Variants in DKKL1 observed in about 807,000 individuals in gnomAD.
The protein encoded by DKKL1 is dickkopf like acrosomal protein 1, also known as dickkopf-like protein 1.
In DKKL1, 11 loss-of-function variants were observed where a neutral mutation model predicts 16.5. The observed-to-expected ratio is 0.67, with a 90% CI of 0.42 to 1.10. The LOEUF is 1.10. DKKL1 is among the 50% of genes least tolerant of loss of function. The pLI is 0.00. For synonymous variants in DKKL1, 119 were observed against 133.2 expected (o/e 0.89, Z 0.73); for missense variants, 320 against 308.1 (o/e 1.04, Z -0.29).
chr19:49,371,048 G>A (rs1482691687), intron 4 of DKKL1: 1 of 152,110 alleles, frequency 6.6e-6, no homozygotes, highest in Non-Finnish European at 1.5e-5. Context: ...CAAGCTTCTG[G>A]AGCAGATATG....
chr19:49,361,207 G>GACAGAGACCCAGAGAGAGAGGGGA (rs77022029), upstream of DKKL1, among the ~76,000 whole-genome samples: 48,423 of 99,674 alleles, frequency 0.49, 13,423 homozygotes, highest in African/African-American at 0.59. Flanking sequence ...CAGAGAGGGA[G>GACAGAGACCCAGAGAGAGAGGGGA]ACAGAGACCC....
At chr19:49,366,712 GGTT>G in intron 4 of DKKL1, among the ~76,000 whole-genome samples, 1 of 96,258 alleles carries the variant, frequency 1.0e-5, no homozygotes, top group South Asian at 3.7e-4. Context: ...TTGTTTTTTT[GGTT>G]TTTTTTTTTG....
Position 49,365,532 on chromosome 19 carries a change from C to A in DKKL1, c.207C>A (p.Asp69Glu). 1 of 1,611,758 alleles carries A rather than the reference C, an allele frequency of 6.2e-7. No individual in the cohort carries two copies. The highest frequency in any genetic ancestry group is 8.5e-7 in the Non-Finnish European group (1 of 1,178,842). The change falls in exon 3 of 5, where the codon GAC (aspartate) becomes GAA (glutamate). Residue 69 changes from aspartate (D) to glutamate (E), a missense_variant. Physicochemically the swap from Asp to Glu is conservative, Grantham distance 45 (BLOSUM62 2). Coordinates refer to ENST00000221498, the MANE Select transcript of DKKL1 (RefSeq NM_014419.4). Reference protein sequence around the residue: ...FLKGNLLRGIDSLFSAPMDFR... With the variant: ...FLKGNLLRGIESLFSAPMDFR... ...AGGGTAACCTGCTTCGGGGCATAGACAGCTTATTCTCTGCCCCCATGGACT... is the reference window on the plus strand; with the variant it reads ...AGGGTAACCTGCTTCGGGGCATAGAAAGCTTATTCTCTGCCCCCATGGACT...
Position 49,364,598 on chromosome 19 carries a change from C to G in DKKL1, c.27C>G (p.Pro9=), listed in dbSNP as rs1052296313. The G allele has an allele frequency of 3.1e-6, 5 of 1,611,590 alleles. No homozygotes were observed. The highest frequency in any genetic ancestry group is 8.5e-7 in the Non-Finnish European group (1 of 1,179,488). The change falls in exon 2 of 5, where the codon CCC becomes CCG. Residue 9 remains proline (P), a synonymous_variant. Transcript: ENST00000221498. The part of the protein sequence containing the change: MGEASPPA[P]ARRHLLVLLL... ...TTGCCACAGCCTCCCCACCTGCCCC[C>G]GCAAGGCGGCATCTGCTGGTCCTGC...
Position 49,363,903 on chromosome 19 carries a change from T to A in DKKL1, c.-96T>A. 6.5e-7 allele frequency: 1 copy of A among 1,541,522 alleles called. No individual in the cohort carries two copies. Among genetic ancestry groups the A allele is most frequent in the African/African-American group, 1.4e-5 (1 of 73,320 alleles). On this transcript the variant is annotated 5_prime_UTR_variant, in exon 1 of 5. In the 5' UTR this introduces an upstream ATG that the reference lacks. Coordinates refer to ENST00000221498, the MANE Select transcript of DKKL1 (RefSeq NM_014419.4). ...GACCTGGGCTCGAGACCATAACTGT[T>A]TGGCTTTAACAGTACGTGGGCGGCC...
upstream of DKKL1, chr19:49,363,697 A>G (rs1171478416): frequency 6.5e-6 from 3 of 460,962 alleles, no homozygotes; most frequent in Non-Finnish European, 1.2e-5. Context: ...TGGCCAGGGA[A>G]TGAACTCACG....
chr19:49,374,734 G>A lies in DKKL1; in HGVS notation c.435G>A (p.Glu145=). 6.5e-7 allele frequency: 1 copy of A among 1,534,718 alleles called. No homozygotes were observed. Residue 145 remains glutamate (E), a synonymous_variant, in exon 5 of 5, where the codon GAG becomes GAA. Transcript: ENST00000221498. ...CTCCCCAGGTACCCAGGATGGAGGAGAAGGAGGCCCTGGTACCCATCCAGA... is the reference window on the plus strand; with the variant it reads ...CTCCCCAGGTACCCAGGATGGAGGAAAAGGAGGCCCTGGTACCCATCCAGA... ...EGDLKVPRME[E]KEALVPIQKA... is the part of the protein sequence containing the mutation.
chr19:49,367,069 C>T (rs1278595047), intron 4 of DKKL1, among the ~76,000 whole-genome samples: 8 of 151,130 alleles, frequency 5.3e-5, no homozygotes, highest in Non-Finnish European at 1.5e-5. Flanking sequence ...CTCTGTTGCC[C>T]AGGCTAGAGT....
intron 1 of DKKL1, 139 bp from the exon 2 acceptor site, chr19:49,364,443 G>C: frequency 2.9e-6 from 2 of 681,248 alleles, no homozygotes; most frequent in Non-Finnish European, 4.8e-6. Flanking sequence ...GGGAGTAGAA[G>C]AAAGAAGCAG....
At chr19:49,374,683 A>C (rs370234788) in intron 4 of DKKL1, 34 bp from the exon 5 acceptor site, 2 of 1,508,974 alleles carry the variant, frequency 1.3e-6, no homozygotes, top group Non-Finnish European at 1.8e-6. Context: ...TGCTGTTTGG[A>C]GTATGAGAGG....
In DKKL1 at chr19:49,363,969, A is replaced by C; in HGVS notation, c.-30A>C. ...GGTGACCCGGGCTGTGGTCTAGCAT[A>C]AAGGCGGAGCCCAGAAGAAGGGGCG... is the stretch of plus-strand genomic sequence containing the variant. On this transcript the variant is annotated 5_prime_UTR_variant, in exon 1 of 5. Transcript: ENST00000221498. 6.2e-7 allele frequency: 1 copy of C among 1,612,716 alleles called. No individual in the cohort carries two copies. Among genetic ancestry groups the C allele is most frequent in the Non-Finnish European group, 8.5e-7 (1 of 1,179,410 alleles).
intron 1 of DKKL1, 127 bp from the exon 2 acceptor site, chr19:49,364,455 G>T: frequency 1.4e-6 from 1 of 723,282 alleles, no homozygotes. Context: ...AAGAAGCAGT[G>T]GGGGAAATGA....
chr19:49,372,693 C>CA (rs1228752175), intron 4 of DKKL1, among the ~76,000 whole-genome samples: 28,656 of 115,694 alleles, frequency 0.25, 3,242 homozygotes, highest in Non-Finnish European at 0.28. Flanking sequence ...GACTCCGTCT[C>CA]AAAAAAAAAA....
intron 4 of DKKL1, chr19:49,369,831 G>T: frequency 6.5e-6 from 1 of 152,864 alleles, no homozygotes; most frequent in South Asian, 2.0e-4. Context: ...TGGAGTAGAA[G>T]GGTGCTCGTG....
chr19:49,367,933 T>C (rs935449137), intron 4 of DKKL1, among the ~76,000 whole-genome samples: 3 of 152,114 alleles, frequency 2.0e-5, no homozygotes, highest in Non-Finnish European at 4.4e-5. Flanking sequence ...CCTAGCAATT[T>C]GGGAGGCTGA....
At chr19:49,364,074 G>A (rs985770353) in intron 1 of DKKL1, 66 bp downstream of exon 1, 2 of 1,597,872 alleles carry the variant, frequency 1.3e-6, no homozygotes, top group Non-Finnish European at 8.5e-7. Context: ...ATGAGGCCGG[G>A]TGCTGTGGCT....
upstream of DKKL1, chr19:49,363,768 G>C: frequency 1.6e-6 from 1 of 608,032 alleles, no homozygotes; most frequent in Non-Finnish European, 3.0e-6. Flanking sequence ...CCAAGGGCGT[G>C]GTCATGGAGT....
chr19:49,361,166 G>GA (rs201087824), upstream of DKKL1, among the ~76,000 whole-genome samples: 5 of 88,680 alleles, frequency 5.6e-5, no homozygotes, highest in Admixed American at 1.2e-4. Context: ...GGGGGGGGGG[G>GA]ACAGGGACCA....
intron 4 of DKKL1, among the ~76,000 whole-genome samples, chr19:49,374,009 G>C (rs7259826): frequency 0.034 from 5,196 of 151,676 alleles, 279 homozygotes; most frequent in African/African-American, 0.12. Context: ...CCTTGAGATG[G>C]AGTCTCGCTC....
Sources: gnomAD v4.1 joint callset for allele counts (sites outside exome capture counted in the v4.1 genomes callset) on GRCh38, gnomAD v4.1.1 for gene constraint, MANE v1.5 for transcripts, NCBI Gene and HGNC (gene_info 2026-07-23, HGNC 2026-07-21) for gene names.